Variants in NRXN3 observed in about 807,000 individuals in gnomAD.
NRXN3 encodes neurexin III.
In NRXN3, 32 loss-of-function variants were observed where a neutral mutation model predicts 137.6. The observed-to-expected ratio is 0.23, with a 90% CI of 0.18 to 0.31. The LOEUF (loss-of-function observed/expected upper bound fraction) is 0.31. Among genes scored for constraint, NRXN3 ranks in the 10% least tolerant of loss-of-function variants. The pLI is 1.00. For missense variants in NRXN3, 1,574 were observed against 2,062.5 expected (o/e 0.76, Z 4.59); for synonymous variants, 798 against 784.5 (o/e 1.02, Z -0.29).
intron 4 of NRXN3, among the ~76,000 whole-genome samples, chr14:78,362,834 G>A (rs970179620): frequency 6.6e-6 from 1 of 152,164 alleles, no homozygotes; most frequent in Admixed American, 6.5e-5. Context: ...AAGGATTGTG[G>A]TAGTGGGGGA....
intron 4 of NRXN3, among the ~76,000 whole-genome samples, chr14:78,564,238 G>T (rs1467744454): frequency 6.6e-6 from 1 of 152,180 alleles, no homozygotes; most frequent in Non-Finnish European, 1.5e-5. Flanking sequence ...CTGACTTAAA[G>T]TGAACATCTT....
At chr14:79,726,675 C>T (rs184311064) in intron 19 of NRXN3, among the ~76,000 whole-genome samples, 12 of 152,248 alleles carry the variant, frequency 7.9e-5, no homozygotes, top group Non-Finnish European at 1.5e-4. Context: ...ATTATTTCCC[C>T]AGTTTACAGA....
At chr14:79,658,330 A>C (rs2098516645) in intron 16 of NRXN3, among the ~76,000 whole-genome samples, 1 of 152,200 alleles carries the variant, frequency 6.6e-6, no homozygotes, top group Admixed American at 6.5e-5. Flanking sequence ...AAAAGCCTCA[A>C]ACACTTGGTG....
At chr14:78,459,265 T>C (rs1292472493) in intron 4 of NRXN3, among the ~76,000 whole-genome samples, 2 of 152,192 alleles carry the variant, frequency 1.3e-5, no homozygotes, top group Non-Finnish European at 2.9e-5. Context: ...TTGGATGCAT[T>C]ACCTAGCCTC....
chr14:79,256,834 C>T (rs898354118), intron 15 of NRXN3, among the ~76,000 whole-genome samples: 2 of 152,084 alleles, frequency 1.3e-5, no homozygotes, highest in Non-Finnish European at 2.9e-5. Context: ...GTAGGCAGAC[C>T]TCTGTTAAGC....
chr14:78,487,694 A>G (rs2095586225), intron 4 of NRXN3, among the ~76,000 whole-genome samples: 1 of 151,858 alleles, frequency 6.6e-6, no homozygotes, highest in Admixed American at 6.6e-5. Flanking sequence ...GTGAGCTGAG[A>G]TCATGCCACC....
intron 15 of NRXN3, among the ~76,000 whole-genome samples, chr14:79,223,765 A>G (rs2070281346): frequency 6.6e-6 from 1 of 152,172 alleles, no homozygotes. Flanking sequence ...AACATTATAT[A>G]TGATGATAAT....
chr14:79,428,092 ACT>A (rs1462249926), intron 15 of NRXN3, among the ~76,000 whole-genome samples: 3 of 151,994 alleles, frequency 2.0e-5, no homozygotes, highest in African/African-American at 4.8e-5. Flanking sequence ...GGAGTACCTG[ACT>A]CTGATTAGGG....
intron 15 of NRXN3, among the ~76,000 whole-genome samples, chr14:79,052,911 A>G (rs550014470): frequency 6.6e-6 from 1 of 152,334 alleles, no homozygotes; most frequent in East Asian, 1.9e-4. Flanking sequence ...AAGAATGTGC[A>G]GTAGTCACTT....
At chr14:79,131,463 G>C (rs532901047) in intron 15 of NRXN3, among the ~76,000 whole-genome samples, 3 of 151,718 alleles carry the variant, frequency 2.0e-5, no homozygotes, top group African/African-American at 7.2e-5. Flanking sequence ...TGCCCCTGCT[G>C]GGGGGTGCCT....
chr14:79,708,110 G>A (rs942209386), intron 19 of NRXN3, among the ~76,000 whole-genome samples: 1 of 137,996 alleles, frequency 7.2e-6, no homozygotes, highest in Non-Finnish European at 1.5e-5. Context: ...CTCTGCATAT[G>A]TGGGATTGCA....
rs539617967 is a variant in NRXN3, at chr14:78,541,623, G to A, written c.758-103497G>A. Among the ~76,000 whole-genome samples, 4 of 152,262 alleles carry A rather than the reference G, an allele frequency of 2.6e-5. No individual in the cohort carries two copies. In the East Asian group the frequency reaches 5.8e-4, roughly 22 times the overall value. On this transcript the variant is annotated intron_variant, in intron 4 of 20. Transcript: ENST00000335750. The stretch of plus-strand genomic sequence containing the variant: ...TTCTGAAGCCTACTTCTGTCAACTC[G>A]TCAAAGTCATTCTCCATCCAGCTTT...
intron 4 of NRXN3, among the ~76,000 whole-genome samples, chr14:78,603,227 CT>C (rs990453212): frequency 7.2e-5 from 11 of 152,232 alleles, no homozygotes; most frequent in Admixed American, 7.2e-4. Context: ...CTTTCCTGCC[CT>C]GTTTGTTTTG....
At chr14:79,578,091 TCTC>T (rs2097681993) in intron 16 of NRXN3, among the ~76,000 whole-genome samples, 1 of 152,216 alleles carries the variant, frequency 6.6e-6, no homozygotes, top group Non-Finnish European at 1.5e-5. Context: ...TTCAGGGGTT[TCTC>T]CAAATCACTT....
At chr14:79,241,341 C>A (rs889235967) in intron 15 of NRXN3, among the ~76,000 whole-genome samples, 13 of 152,102 alleles carry the variant, frequency 8.5e-5, no homozygotes, top group African/African-American at 2.9e-4. Context: ...AAGACATATC[C>A]AAGACTGGGT....
chr14:78,739,564 C>T lies in NRXN3; in HGVS notation c.2044+24425C>T, dbSNP rs189486091. On this transcript the variant is annotated intron_variant, in intron 8 of 20. Coordinates refer to ENST00000335750, the MANE Select transcript of NRXN3 (RefSeq NM_001330195.2). ...TTGGCTCACTGAAACCTCCGCCTCC[C>T]GGGTTCAAGCGATTCTCCTGCTTCA... Among the ~76,000 whole-genome samples, 518 of 152,264 alleles carry T rather than the reference C, an allele frequency of 3.4e-3. 5 individuals carry two copies. Among genetic ancestry groups the T allele is most frequent in the African/African-American group, 0.011 (449 of 41,556 alleles).
At chr14:79,699,495 AT>A (rs763474835) in intron 19 of NRXN3, among the ~76,000 whole-genome samples, 25 of 152,128 alleles carry the variant, frequency 1.6e-4, no homozygotes, top group Non-Finnish European at 3.1e-4. Context: ...TGACCTTGAG[AT>A]GATTTAATGT....
chr14:79,399,611 T>A (rs1408253761), intron 15 of NRXN3, among the ~76,000 whole-genome samples: 1 of 152,102 alleles, frequency 6.6e-6, no homozygotes, highest in African/African-American at 2.4e-5. Flanking sequence ...GAGTATAAAC[T>A]CAAGAACTAT....
At chr14:78,446,651 A>G (rs2094428525) in intron 4 of NRXN3, among the ~76,000 whole-genome samples, 1 of 152,216 alleles carries the variant, frequency 6.6e-6, no homozygotes, top group African/African-American at 2.4e-5. Flanking sequence ...GGAGAAAACA[A>G]ACTTGGTTAG....
Sources: gnomAD v4.1 joint callset for allele counts (sites outside exome capture counted in the v4.1 genomes callset) on GRCh38, gnomAD v4.1.1 for gene constraint, MANE v1.5 for transcripts, NCBI Gene and HGNC (gene_info 2026-07-23, HGNC 2026-07-21) for gene names.